Variants in RIT2 observed in about 807,000 individuals in gnomAD.
RIT2 encodes GTP-binding protein Rit2.
Under a neutral mutation model 23.7 loss-of-function variants are expected in RIT2, and 24 were observed. That is an observed-to-expected ratio of 1.01 (90% CI 0.73 to 1.43). The LOEUF (loss-of-function observed/expected upper bound fraction) is 1.43, where lower values mean the gene tolerates loss of function less well. Among genes scored for constraint, RIT2 ranks in the 40% most tolerant of loss-of-function variants. The probability of loss-of-function intolerance (pLI) is 0.00; values close to 1 mark genes in which losing one functional copy is unlikely to be tolerated. For missense variants in RIT2, 236 were observed against 266.9 expected, an observed-to-expected ratio of 0.88 and a Z score of 0.81; for synonymous variants, 107 against 91.1, an observed-to-expected ratio of 1.17 and a Z score of -0.99.
At chr18:43,036,889 C>T (rs1911993633) in intron 1 of RIT2, among the ~76,000 whole-genome samples, 1 of 152,162 alleles carries the variant, frequency 6.6e-6, no homozygotes, top group Non-Finnish European at 1.5e-5. Flanking sequence ...TCCTAAGTAC[C>T]TATCAAGCTC....
chr18:43,072,604 A>G (rs768839047), intron 1 of RIT2, among the ~76,000 whole-genome samples: 13 of 152,188 alleles, frequency 8.5e-5, no homozygotes, highest in Non-Finnish European at 1.8e-4. Context: ...AGTAGCTAGG[A>G]TGGATTGCTA....
intron 4 of RIT2, among the ~76,000 whole-genome samples, chr18:42,918,947 C>T (rs554008658): frequency 1.3e-5 from 2 of 152,224 alleles, no homozygotes; most frequent in East Asian, 3.9e-4. Context: ...CCACATGGGT[C>T]TCTCCTGGTT....
chr18:42,860,057 T>C (rs1398034270), intron 4 of RIT2, among the ~76,000 whole-genome samples: 2 of 152,226 alleles, frequency 1.3e-5, no homozygotes, highest in South Asian at 2.1e-4. Flanking sequence ...TGAACAAATG[T>C]CACTGATTAT....
intron 4 of RIT2, among the ~76,000 whole-genome samples, chr18:42,845,272 G>A (rs1030383971): frequency 4.0e-5 from 6 of 151,858 alleles, no homozygotes; most frequent in African/African-American, 1.4e-4. Flanking sequence ...AAAGTGAAGA[G>A]ATTACAGATA....
intron 4 of RIT2, among the ~76,000 whole-genome samples, chr18:42,867,189 C>T (rs1449950331): frequency 6.6e-6 from 1 of 152,032 alleles, no homozygotes; most frequent in African/African-American, 2.4e-5. Context: ...TTAAATGTGG[C>T]TGGTGACAAC....
intron 4 of RIT2, among the ~76,000 whole-genome samples, chr18:42,860,589 A>C (rs552752174): frequency 1.5e-4 from 23 of 152,138 alleles, no homozygotes; most frequent in Non-Finnish European, 3.1e-4. Context: ...TTTGATCTCC[A>C]ATTAGGAAGA....
intron 4 of RIT2, among the ~76,000 whole-genome samples, chr18:42,917,903 C>A (rs1223983103): frequency 1.3e-5 from 2 of 152,122 alleles, no homozygotes; most frequent in East Asian, 1.9e-4. Flanking sequence ...AGAGAAAATA[C>A]AGCTCTGATT....
chr18:42,898,255 G>A (rs503975), intron 4 of RIT2, among the ~76,000 whole-genome samples: 4,324 of 152,172 alleles, frequency 0.028, 179 homozygotes, highest in African/African-American at 0.092. Context: ...TTAGCTAAGC[G>A]TGGTGGCGGG....
intron 4 of RIT2, among the ~76,000 whole-genome samples, chr18:42,838,695 A>T (rs1314664625): frequency 6.6e-6 from 1 of 152,134 alleles, no homozygotes; most frequent in Non-Finnish European, 1.5e-5. Flanking sequence ...TTTCCTATAG[A>T]CATGTTGCCT....
chr18:42,962,093 C>T (rs1195159487), intron 3 of RIT2, among the ~76,000 whole-genome samples: 2 of 152,150 alleles, frequency 1.3e-5, no homozygotes, highest in Non-Finnish European at 2.9e-5. Context: ...GCACCGGTAG[C>T]TACGTAAGCA....
chr18:42,927,371 TGTGTGTG>T (rs1909208492), intron 3 of RIT2, among the ~76,000 whole-genome samples: 492 of 10,222 alleles, frequency 0.048, 1 homozygote, highest in Non-Finnish European at 0.26. Flanking sequence ...GTGGATGTGG[TGTGTGTG>T]TGTGTGTGTG....
intron 4 of RIT2, among the ~76,000 whole-genome samples, chr18:42,746,186 C>G (rs1912912755): frequency 6.6e-6 from 1 of 151,938 alleles, no homozygotes; most frequent in Non-Finnish European, 1.5e-5. Flanking sequence ...TATCTATATC[C>G]CAAATGACAC....
At chr18:42,923,487 G>A in intron 4 of RIT2, 85 bp downstream of exon 4, 2 of 1,093,342 alleles carry the variant, frequency 1.8e-6, no homozygotes, top group East Asian at 2.4e-5. Context: ...ATAATTTTCA[G>A]TGTGAACCTG....
intron 1 of RIT2, among the ~76,000 whole-genome samples, chr18:43,108,031 G>A (rs1319601126): frequency 4.7e-5 from 7 of 147,734 alleles, no homozygotes; most frequent in South Asian, 2.2e-4. Context: ...AAAATTAACC[G>A]GGCATGGTGG....
At chr18:42,780,364 G>T (rs151039899) in intron 4 of RIT2, among the ~76,000 whole-genome samples, 91 of 152,046 alleles carry the variant, frequency 6.0e-4, no homozygotes, top group African/African-American at 2.1e-3. Flanking sequence ...TCAAGGTAAG[G>T]CAGGAAAGGG....
intron 1 of RIT2, among the ~76,000 whole-genome samples, chr18:43,064,529 A>T (rs1166971012): frequency 6.6e-6 from 1 of 152,138 alleles, no homozygotes; most frequent in Non-Finnish European, 1.5e-5. Context: ...AGTACTTAGG[A>T]TCAGTAGATG....
intron 4 of RIT2, among the ~76,000 whole-genome samples, chr18:42,748,610 A>G (rs1598638780): frequency 6.6e-6 from 1 of 152,220 alleles, no homozygotes; most frequent in East Asian, 1.9e-4. Flanking sequence ...GAGGAAAATA[A>G]GTCATTATAC....
At position 43,071,209 on chromosome 18, in the gene RIT2, T is replaced by C. The variant is rs747717303; in HGVS notation, c.104-37342A>G. Among the ~76,000 whole-genome samples, 10 of 152,190 alleles carry C rather than the reference T, an allele frequency of 6.6e-5. No homozygotes were observed. In the East Asian group the frequency reaches 1.9e-3, roughly 29 times the overall value. On this transcript the variant is annotated intron_variant, in intron 1 of 4. Transcript: ENST00000326695. ...TCTGAAATTTGGAAGTAAACATCTT[T>C]TAAAAGTCCTGAATATTCTCCCTTT...
chr18:43,103,865 T>A (rs547707354), intron 1 of RIT2, among the ~76,000 whole-genome samples: 1 of 152,066 alleles, frequency 6.6e-6, no homozygotes, highest in South Asian at 2.1e-4. Context: ...TGGTATGAAG[T>A]GGTATGAAGA....
Sources: allele counts gnomAD v4.1 joint callset (sites outside exome capture counted in the v4.1 genomes callset), GRCh38; gene constraint gnomAD v4.1.1; transcripts MANE v1.5; gene names NCBI Gene and HGNC (gene_info 2026-07-23, HGNC 2026-07-21).